Variants in MAGI1 observed in about 807,000 individuals in gnomAD.
MAGI1 encodes membrane associated guanylate kinase, WW and PDZ domain containing 1.
In MAGI1, 58 loss-of-function variants were observed where a neutral mutation model predicts 139.9. That is an observed-to-expected ratio of 0.41 (90% confidence interval 0.34 to 0.52). The LOEUF (loss-of-function observed/expected upper bound fraction) is 0.52, where lower values mean the gene tolerates loss of function less well. MAGI1 is among the 20% of genes least tolerant of loss of function. The pLI is 0.12. For missense variants in MAGI1, 1,874 were observed against 1,901.6 expected, an observed-to-expected ratio of 0.99 and a Z score of 0.27; for synonymous variants, 812 against 737.9, an observed-to-expected ratio of 1.10 and a Z score of -1.63.
In MAGI1 at chr3:65,819,875, C is replaced by CAAAAAAAAAAAAAAAAAAAAAAA. The variant is rs3077818; in HGVS notation, c.314-197788_314-197787insTTTTTTTTTTTTTTTTTTTTTTT. ...CTAGCCACAGAGCAAGACTCCATCT[C>CAAAAAAAAAAAAAAAAAAAAAAA]AAAAAAAAAAAAAAAAAAAAAAGGA... On this transcript the variant is annotated intron_variant, in intron 1 of 22. Transcript: ENST00000402939. Among the ~76,000 whole-genome samples the CAAAAAAAAAAAAAAAAAAAAAAA allele has an allele frequency of 3.6e-3, 120 of 33,448 alleles. 13 individuals carry two copies. The highest frequency in any genetic ancestry group is 7.1e-3 in the East Asian group (8 of 1,120). 21.9% of individuals were successfully genotyped at this position (33,448 alleles called of 152,430 possible). A position where few individuals can be genotyped will look rare whatever the true frequency, so the allele number is the denominator to read the frequency against.
chr3:65,575,584 G>A (rs2081143680), intron 2 of MAGI1, among the ~76,000 whole-genome samples: 1 of 152,234 alleles, frequency 6.6e-6, no homozygotes, highest in African/African-American at 2.4e-5. Flanking sequence ...GTTCATAGCA[G>A]CTTAATCTGT....
At position 65,929,592 on chromosome 3, in the gene MAGI1, CA is replaced by C. The variant is rs547149899; in HGVS notation, c.313+108403del. Among the ~76,000 whole-genome samples the C allele has an allele frequency of 5.3e-5, 8 of 152,256 alleles. No individual in the cohort carries two copies. In the South Asian group the frequency reaches 1.7e-3, roughly 32 times the overall value. ...TCGTGATCCACCCACCTCGGCCTCC[CA>C]AAGTGCTGGGATTACAGGCGTGAGC... On this transcript the variant is annotated intron_variant, in intron 1 of 22. Coordinates refer to ENST00000402939, the MANE Select transcript of MAGI1 (RefSeq NM_001033057.2).
At chr3:65,625,543 A>G (rs2083924768) in intron 1 of MAGI1, among the ~76,000 whole-genome samples, 1 of 152,210 alleles carries the variant, frequency 6.6e-6, no homozygotes. Context: ...CACTGATGTA[A>G]TATTAGCTCT....
chr3:65,368,445 G>A (rs1575611618), intron 18 of MAGI1, among the ~76,000 whole-genome samples: 1 of 152,174 alleles, frequency 6.6e-6, no homozygotes, highest in African/African-American at 2.4e-5. Context: ...CCTGTCCAGG[G>A]ACTATTCCAA....
intron 2 of MAGI1, among the ~76,000 whole-genome samples, chr3:65,530,774 C>CACGTGTATATATATAT (rs1559642935): frequency 8.0e-5 from 1 of 12,548 alleles, no homozygotes; most frequent in South Asian, 2.5e-3. Context: ...TATATATATA[C>CACGTGTATATATATAT]ACACATATAT....
At chr3:65,777,881 G>C (rs1025817405) in intron 1 of MAGI1, among the ~76,000 whole-genome samples, 6 of 152,072 alleles carry the variant, frequency 3.9e-5, no homozygotes, top group Admixed American at 6.5e-5. Flanking sequence ...AATTTAGCAA[G>C]AAAACTGGCA....
intron 1 of MAGI1, among the ~76,000 whole-genome samples, chr3:65,944,279 G>A (rs1487827389): frequency 6.6e-6 from 1 of 152,142 alleles, no homozygotes; most frequent in Non-Finnish European, 1.5e-5. Context: ...CCTTTGGAAG[G>A]CAGAGGCAGG....
At chr3:65,691,466 T>C (rs1436867462) in intron 1 of MAGI1, among the ~76,000 whole-genome samples, 1 of 152,142 alleles carries the variant, frequency 6.6e-6, no homozygotes, top group Non-Finnish European at 1.5e-5. Context: ...TTATGGGCTC[T>C]GTAATATTCT....
At chr3:65,757,619 C>A (rs2036669404) in intron 1 of MAGI1, among the ~76,000 whole-genome samples, 1 of 152,172 alleles carries the variant, frequency 6.6e-6, no homozygotes, top group African/African-American at 2.4e-5. Flanking sequence ...GCCTGGGCAA[C>A]AGAGCCAGAC....
chr3:65,620,231 A>G (rs1004688817), intron 2 of MAGI1, among the ~76,000 whole-genome samples: 1 of 152,166 alleles, frequency 6.6e-6, no homozygotes, highest in Non-Finnish European at 1.5e-5. Flanking sequence ...GCAATTACTG[A>G]TTTCTGCAAA....
Position 65,430,784 on chromosome 3 carries a change from A to G in MAGI1, c.1461T>C (p.Val487=). ...GAAACTCATCAGGTTCATCCCCTCC[A>G]ACCACCGTGAAGCCAAAGCCACGAC... ...KSSRGFGFTV[V]GGDEPDEFLQ... Residue 487 remains valine, a synonymous_variant, in exon 11 of 23, where the codon GTT becomes GTC. Transcript: ENST00000402939. 1 of 1,613,580 alleles carries G rather than the reference A, an allele frequency of 6.2e-7. No individual in the cohort carries two copies. The highest frequency in any genetic ancestry group is 8.5e-7 in the Non-Finnish European group (1 of 1,179,772).
intron 1 of MAGI1, among the ~76,000 whole-genome samples, chr3:65,709,178 CA>C (rs2030930079): frequency 6.6e-6 from 1 of 152,172 alleles, no homozygotes; most frequent in African/African-American, 2.4e-5. Context: ...TCAGCATTCA[CA>C]TCATTCTCGC....
rs142521504 is a variant in MAGI1, at chr3:66,008,161, T to C, written c.313+29835A>G. ...ATCAGCCTGCCTCAGCCTCCCAAAG[T>C]GCTGGGATCATAGGTGTGAGCCACC... On this transcript the variant is annotated intron_variant, in intron 1 of 22. Transcript: ENST00000402939. Among the ~76,000 whole-genome samples the C allele has an allele frequency of 4.8e-3, 728 of 152,154 alleles. 7 individuals carry two copies. Among genetic ancestry groups the C allele is most frequent in the African/African-American group, 0.017 (685 of 41,506 alleles).
chr3:65,845,095 A>G (rs1220234512), intron 1 of MAGI1, among the ~76,000 whole-genome samples: 1 of 152,086 alleles, frequency 6.6e-6, no homozygotes, highest in African/African-American at 2.4e-5. Context: ...TATTAAAAAT[A>G]CAAAACTTAG....
At chr3:65,944,815 G>C (rs968895686) in intron 1 of MAGI1, among the ~76,000 whole-genome samples, 1 of 152,320 alleles carries the variant, frequency 6.6e-6, no homozygotes. Flanking sequence ...AGTTGGGGTA[G>C]AGAGGTGGAT....
At chr3:65,873,196 C>T (rs2059997717) in intron 1 of MAGI1, 1 of 152,224 alleles carries the variant, frequency 6.6e-6, no homozygotes, top group Non-Finnish European at 1.5e-5. Flanking sequence ...TGTCTCTTGG[C>T]TGAGACCTCA....
At position 65,942,218 on chromosome 3, in the gene MAGI1, G is replaced by GA. The variant is rs200308984; in HGVS notation, c.313+95777dup. Among the ~76,000 whole-genome samples the GA allele has an allele frequency of 7.9e-3, 1,112 of 140,546 alleles. 5 individuals are homozygous for GA. The highest frequency in any genetic ancestry group is 0.012 in the Non-Finnish European group (742 of 64,142). The allele number at this position is 140,546 out of a possible 152,430, so 92.2% of individuals were successfully genotyped here. A position where few individuals can be genotyped will look rare whatever the true frequency, so the allele number is the denominator to read the frequency against. ...AATGGCTAATATAATACCATTTGCA[G>GA]AAAAAAAAAAAACACATACAAAACC... On this transcript the variant is annotated intron_variant, in intron 1 of 22. Transcript: ENST00000402939.
chr3:65,970,122 T>C (rs1188921122), intron 1 of MAGI1, among the ~76,000 whole-genome samples: 1 of 152,020 alleles, frequency 6.6e-6, no homozygotes, highest in African/African-American at 2.4e-5. Flanking sequence ...AATAAACAAA[T>C]CGAGGTGTGC....
chr3:65,625,969 T>A (rs1455476622), intron 1 of MAGI1, among the ~76,000 whole-genome samples: 4 of 152,170 alleles, frequency 2.6e-5, no homozygotes, highest in Non-Finnish European at 5.9e-5. Context: ...AACTAGTAAG[T>A]CACTGATATG....
Sources: allele counts gnomAD v4.1 joint callset (sites outside exome capture counted in the v4.1 genomes callset), GRCh38; gene constraint gnomAD v4.1.1; transcripts MANE v1.5; gene names NCBI Gene and HGNC (gene_info 2026-07-23, HGNC 2026-07-21).